PLXNA2: variants seen among roughly 807,000 people sequenced by gnomAD.
PLXNA2 encodes plexin-A2.
PLXNA2 carries 91 observed loss-of-function variants against 193.5 expected under a neutral mutation model. The observed-to-expected ratio is 0.47, with a 90% CI of 0.40 to 0.56. The LOEUF (loss-of-function observed/expected upper bound fraction) is 0.56, where lower values mean the gene tolerates loss of function less well. Ranked by LOEUF, PLXNA2 falls within the 20% of genes least tolerant of loss-of-function variation. PLXNA2 has a pLI of 0.00. For missense variants in PLXNA2, 1,995 were observed against 2,503.2 expected, an observed-to-expected ratio of 0.80 and a Z score of 4.33; for synonymous variants, 997 against 1,027.3, an observed-to-expected ratio of 0.97 and a Z score of 0.56.
intron 12 of PLXNA2, among the ~76,000 whole-genome samples, chr1:208,062,915 G>T (rs1206312316): frequency 6.6e-6 from 1 of 152,184 alleles, no homozygotes; most frequent in Non-Finnish European, 1.5e-5. Flanking sequence ...CCTGGGCTCT[G>T]GGAAAAGAAC....
chr1:208,203,548 C>T (rs1282957885), intron 3 of PLXNA2, among the ~76,000 whole-genome samples: 1 of 152,184 alleles, frequency 6.6e-6, no homozygotes, highest in African/African-American at 2.4e-5. Context: ...TTTGGTGGGG[C>T]TGGCACAGAG....
intron 3 of PLXNA2, among the ~76,000 whole-genome samples, chr1:208,162,386 C>T (rs1219204074): frequency 6.6e-6 from 1 of 152,184 alleles, no homozygotes; most frequent in Non-Finnish European, 1.5e-5. Context: ...TGCTAGGTTT[C>T]CAGAGCTGTT....
intron 29 of PLXNA2, chr1:208,030,781 C>G (rs979477182): frequency 4.1e-6 from 4 of 985,450 alleles, no homozygotes; most frequent in Non-Finnish European, 4.8e-6. Flanking sequence ...CCCCTCTCCC[C>G]TCTCTGTGCT....
At chr1:208,060,523 G>A (rs574766739) in intron 13 of PLXNA2, among the ~76,000 whole-genome samples, 163 bp downstream of exon 13, 4 of 152,176 alleles carry the variant, frequency 2.6e-5, no homozygotes, top group Non-Finnish European at 4.4e-5. Flanking sequence ...TGAGGGTGGA[G>A]GTGAGGGAGG....
At chr1:208,029,677 A>T (rs1301499710) in intron 29 of PLXNA2, 2 of 986,910 alleles carry the variant, frequency 2.0e-6, no homozygotes, top group Admixed American at 6.0e-5. Context: ...CCTGGGAATG[A>T]CTCACTGTAG....
intron 3 of PLXNA2, among the ~76,000 whole-genome samples, chr1:208,165,543 T>G (rs1669273222): frequency 6.6e-6 from 1 of 152,162 alleles, no homozygotes; most frequent in Admixed American, 6.5e-5. Flanking sequence ...TCTCCACGAT[T>G]TTGTTCGCCT....
chr1:208,200,530 T>C (rs960298930), intron 3 of PLXNA2, among the ~76,000 whole-genome samples: 6 of 151,818 alleles, frequency 4.0e-5, no homozygotes, highest in Non-Finnish European at 7.4e-5. Flanking sequence ...AATCTCTGAA[T>C]TTCAGAATCA....
chr1:208,237,115 C>A (rs779003574), intron 1 of PLXNA2, among the ~76,000 whole-genome samples: 1 of 152,192 alleles, frequency 6.6e-6, no homozygotes, highest in African/African-American at 2.4e-5. Context: ...TGGCTACCTT[C>A]TCTTTGAGTT....
At chr1:208,142,764 A>G (rs908989421) in intron 3 of PLXNA2, among the ~76,000 whole-genome samples, 2 of 152,172 alleles carry the variant, frequency 1.3e-5, no homozygotes, top group Admixed American at 6.5e-5. Context: ...ATGTACATCT[A>G]TTTATAGCAC....
intron 4 of PLXNA2, among the ~76,000 whole-genome samples, chr1:208,119,053 G>A (rs927691430): frequency 6.6e-6 from 1 of 152,180 alleles, no homozygotes; most frequent in South Asian, 2.1e-4. Context: ...ATCTGGCTTC[G>A]TCTGGATACA....
chr1:208,206,203 C>T (rs541942757), intron 3 of PLXNA2, among the ~76,000 whole-genome samples: 2 of 152,228 alleles, frequency 1.3e-5, no homozygotes, highest in African/African-American at 4.8e-5. Flanking sequence ...ATTCCCACAT[C>T]GATCCAGCTC....
chr1:208,053,529 G>A (rs1325500992), intron 14 of PLXNA2, among the ~76,000 whole-genome samples: 1 of 152,180 alleles, frequency 6.6e-6, no homozygotes, highest in African/African-American at 2.4e-5. Flanking sequence ...GAAGGCAGAG[G>A]CTAGAAAACC....
chr1:208,231,992 G>A (rs1671706105), intron 1 of PLXNA2, among the ~76,000 whole-genome samples: 1 of 152,228 alleles, frequency 6.6e-6, no homozygotes, highest in African/African-American at 2.4e-5. Flanking sequence ...ATGGATATGG[G>A]GTCTAAGGAG....
At position 208,044,700 on chromosome 1, in the gene PLXNA2, C is replaced by T. The variant is rs773780752; in HGVS notation, c.3682G>A (p.Val1228Ile). ...GMVFSPGSVS[V>I]ISDSLLTLPA... Reference sequence around the variant, plus strand: ...AGGGTCAGCAAGCTGTCTGAGATGACACTCACCGAGCCAGGCGAGAACACC... The same window carrying T: ...AGGGTCAGCAAGCTGTCTGAGATGATACTCACCGAGCCAGGCGAGAACACC... Residue 1228 changes from valine to isoleucine, a missense_variant, in exon 20 of 32, where the codon GTC becomes ATC. Physicochemically the swap from Val to Ile is conservative, Grantham distance 29 (BLOSUM62 3). Coordinates refer to ENST00000367033, the MANE Select transcript of PLXNA2 (RefSeq NM_025179.4). This position sits in a 1 kb window ranked among gnomAD's most constrained non-coding sequence, Gnocchi z 4.9. The T allele has an allele frequency of 1.2e-6, 2 of 1,614,102 alleles. No homozygotes were observed. The highest frequency in any genetic ancestry group is 2.2e-5 in the South Asian group (2 of 91,076).
At chr1:208,064,400 G>A (rs1362354428) in intron 12 of PLXNA2, among the ~76,000 whole-genome samples, 1 of 152,192 alleles carries the variant, frequency 6.6e-6, no homozygotes, top group African/African-American at 2.4e-5. Flanking sequence ...CCTGGCAGGT[G>A]TGGTCTTTCT....
rs542164034 is a variant in PLXNA2 at position 208,060,559 on chromosome 1, G to C, written c.2738+127C>G. 6.4e-6 allele frequency: 6 copies of C among 939,738 alleles called. No individual in the cohort carries two copies. In the East Asian group the frequency reaches 1.4e-4, roughly 22 times the overall value. 58.2% of individuals were successfully genotyped at this position (939,738 alleles called of 1,614,324 possible). On this transcript the variant is annotated intron_variant, in intron 13 of 31. Coordinates refer to ENST00000367033, the MANE Select transcript of PLXNA2 (RefSeq NM_025179.4). ...AGGGGGCCCTGGGGAGGCTTCTGGG[G>C]CAGGTCCATGGGAGGAGAATGTAAT...
intron 1 of PLXNA2, among the ~76,000 whole-genome samples, chr1:208,235,196 G>A (rs370631420): frequency 6.6e-6 from 1 of 152,264 alleles, no homozygotes; most frequent in African/African-American, 2.4e-5. Flanking sequence ...CCCTGAATGT[G>A]GTCTCCTTGC....
At position 208,038,323 on chromosome 1, in the gene PLXNA2, A is replaced by T. The variant is rs1664740311; in HGVS notation, c.4764+48T>A. ...GGCCTTAGAGCAAGGCTTAGCGGGAAGGGAACATTCTGGGAAGCTGAAGAG... is the reference window on the plus strand; with the variant it reads ...GGCCTTAGAGCAAGGCTTAGCGGGATGGGAACATTCTGGGAAGCTGAAGAG... On this transcript the variant is annotated intron_variant, in intron 26 of 31. Transcript: ENST00000367033. This position sits in a 1 kb window ranked among gnomAD's most constrained non-coding sequence, Gnocchi z 4.1. 1 of 1,300,474 alleles carries T rather than the reference A, an allele frequency of 7.7e-7. No homozygotes were observed. Among genetic ancestry groups the T allele is most frequent in the African/African-American group, 1.4e-5 (1 of 69,066 alleles). The allele number at this position is 1,300,474 out of a possible 1,614,324, so 80.6% of individuals were successfully genotyped here.
rs758390669 is a variant in PLXNA2, at chr1:208,071,235, G to C, written c.2586+8025C>G. 5.9e-5 allele frequency among the ~76,000 whole-genome samples: 9 copies of C among 152,338 alleles called. No homozygotes were observed. In the Middle Eastern group the frequency reaches 0.01, roughly 173 times the overall value. On this transcript the variant is annotated intron_variant, in intron 12 of 31. Coordinates refer to ENST00000367033, the MANE Select transcript of PLXNA2 (RefSeq NM_025179.4). ...TCTCAGTCCCATCAGCATCCTCAGC[G>C]GATGTTCATACTCTGTATTAAAAGC...
Sources: allele counts gnomAD v4.1 joint callset (sites outside exome capture counted in the v4.1 genomes callset), GRCh38; gene constraint gnomAD v4.1.1; non-coding constraint Gnocchi (gnomAD v3.1); transcripts MANE v1.5; gene names NCBI Gene and HGNC (gene_info 2026-07-23, HGNC 2026-07-21).